Variants in RTTN observed in about 807,000 individuals in gnomAD.
RTTN encodes rotatin.
RTTN carries 182 observed loss-of-function variants against 269.2 expected under a neutral mutation model. The ratio of observed to expected loss-of-function variants is 0.68; its 90% CI spans 0.60 to 0.76. RTTN has a LOEUF of 0.76. RTTN is among the 30% of genes least tolerant of loss of function. RTTN has a pLI of 0.00. For missense variants in RTTN, 2,545 were observed against 2,608.6 expected, an observed-to-expected ratio of 0.98 and a Z score of 0.53; for synonymous variants, 1,006 against 963.5, an observed-to-expected ratio of 1.04 and a Z score of -0.82.
chr18:70,047,744 A>G (rs1409648591), intron 40 of RTTN, among the ~76,000 whole-genome samples: 1 of 152,224 alleles, frequency 6.6e-6, no homozygotes, highest in Non-Finnish European at 1.5e-5. Context: ...ATTTCACTTC[A>G]AATCTTTACA....
At chr18:70,059,000 G>C (rs2057900845) in intron 36 of RTTN, among the ~76,000 whole-genome samples, 1 of 152,178 alleles carries the variant, frequency 6.6e-6, no homozygotes, top group Non-Finnish European at 1.5e-5. Flanking sequence ...ATTTCAGATG[G>C]TGTATGTTCA....
chr18:70,163,670 A>G (rs191782179), intron 14 of RTTN, among the ~76,000 whole-genome samples: 6 of 152,316 alleles, frequency 3.9e-5, no homozygotes, highest in Admixed American at 2.0e-4. Context: ...GAAGTGTTTC[A>G]GATTTTGAAA....
chr18:70,050,044 C>T (rs2057612978), intron 39 of RTTN, among the ~76,000 whole-genome samples: 1 of 151,966 alleles, frequency 6.6e-6, no homozygotes. Flanking sequence ...TCATATGTAC[C>T]TTTATAAAAC....
intron 23 of RTTN, among the ~76,000 whole-genome samples, chr18:70,133,874 T>C (rs1185491318): frequency 2.6e-5 from 4 of 152,110 alleles, no homozygotes; most frequent in Non-Finnish European, 5.9e-5. Context: ...AACAATTTAC[T>C]TTTTACAAAA....
intron 18 of RTTN, among the ~76,000 whole-genome samples, chr18:70,143,663 G>A (rs2060317172): frequency 6.6e-6 from 1 of 151,978 alleles, no homozygotes; most frequent in African/African-American, 2.4e-5. Context: ...TAGTACCAGG[G>A]TGACGAAATA....
intron 18 of RTTN, 51 bp downstream of exon 18, chr18:70,145,561 T>C: frequency 7.4e-7 from 1 of 1,352,192 alleles, no homozygotes. Flanking sequence ...ATACATGATA[T>C]AAAAATGTAT....
chr18:70,009,757 A>G (rs2056312772), intron 46 of RTTN, among the ~76,000 whole-genome samples: 1 of 152,218 alleles, frequency 6.6e-6, no homozygotes, highest in Non-Finnish European at 1.5e-5. Context: ...AAACGGGCTA[A>G]ATGCCACAAT....
At chr18:70,012,886 T>C (rs533875985) in intron 46 of RTTN, among the ~76,000 whole-genome samples, 1 of 152,286 alleles carries the variant, frequency 6.6e-6, no homozygotes, top group South Asian at 2.1e-4. Flanking sequence ...GATTCCAGAA[T>C]AGAATAAACA....
At chr18:70,036,651 G>C (rs993444865) in intron 40 of RTTN, among the ~76,000 whole-genome samples, 2 of 152,128 alleles carry the variant, frequency 1.3e-5, no homozygotes, top group African/African-American at 4.8e-5. Context: ...CATGATACAA[G>C]TTTACCTATA....
At chr18:70,059,762 TCACAA>T (rs1278804596) in intron 36 of RTTN, 83 bp downstream of exon 36, 77 of 862,602 alleles carry the variant, frequency 8.9e-5, no homozygotes, top group Non-Finnish European at 1.3e-4. Flanking sequence ...TATTTCCAGG[TCACAA>T]GAAATCTTGT....
intron 25 of RTTN, among the ~76,000 whole-genome samples, chr18:70,124,974 C>T (rs2059827904): frequency 1.3e-5 from 2 of 152,066 alleles, no homozygotes; most frequent in South Asian, 4.1e-4. Context: ...CCTCTGACAA[C>T]TTGTAATCCT....
At chr18:70,193,109 G>T in intron 8 of RTTN, 179 bp downstream of exon 8, 1 of 556,616 alleles carries the variant, frequency 1.8e-6, no homozygotes, top group Non-Finnish European at 3.1e-6. Flanking sequence ...TGTCCTTACC[G>T]TGGATCATGG....
At chr18:70,143,212 T>G (rs1277707653) in intron 18 of RTTN, among the ~76,000 whole-genome samples, 3 of 151,334 alleles carry the variant, frequency 2.0e-5, no homozygotes, top group Admixed American at 6.6e-5. Flanking sequence ...AGCTGTTTGG[T>G]TTTTTTTTGT....
Position 70,011,905 on chromosome 18 carries a change from G to C in RTTN, c.6422-5421C>G, listed in dbSNP as rs184896375. Among the ~76,000 whole-genome samples, 4 of 150,994 alleles carry C rather than the reference G, an allele frequency of 2.6e-5. No individual in the cohort carries two copies. In the East Asian group the frequency reaches 7.8e-4, roughly 30 times the overall value. On this transcript the variant is annotated intron_variant, in intron 46 of 48. Coordinates refer to ENST00000640769, the MANE Select transcript of RTTN (RefSeq NM_173630.4). ...TCACTGGTGTTAGATAGAGGGTAGC[G>C]TCTGCTCCTGGTATTGGTTAGAAGG...
chr18:70,072,394 G>A (rs1343649402), intron 34 of RTTN, among the ~76,000 whole-genome samples: 7 of 152,054 alleles, frequency 4.6e-5, no homozygotes, highest in Admixed American at 4.6e-4. Flanking sequence ...ACACAAACAA[G>A]TTAAAGACCT....
chr18:70,099,555 C>A (rs1284361094), intron 28 of RTTN, among the ~76,000 whole-genome samples: 1 of 152,118 alleles, frequency 6.6e-6, no homozygotes, highest in Non-Finnish European at 1.5e-5. Context: ...ATGGTAGTTT[C>A]TTTTGCTATG....
chr18:70,189,558 C>A (rs923997840), intron 9 of RTTN, among the ~76,000 whole-genome samples: 7 of 152,150 alleles, frequency 4.6e-5, no homozygotes, highest in Non-Finnish European at 1.0e-4. Flanking sequence ...TTTCTTTACA[C>A]CTTGCAAAAT....
chr18:70,154,203 T>G (rs1196496525), intron 14 of RTTN, among the ~76,000 whole-genome samples: 2 of 152,066 alleles, frequency 1.3e-5, no homozygotes, highest in African/African-American at 2.4e-5. Flanking sequence ...ACATACATAT[T>G]TATTTCTGAC....
chr18:70,068,541 C>T (rs1429572762), intron 34 of RTTN, among the ~76,000 whole-genome samples: 1 of 152,168 alleles, frequency 6.6e-6, no homozygotes, highest in African/African-American at 2.4e-5. Context: ...CCTGTGTCCC[C>T]GCGGAACTTC....
Sources: allele counts gnomAD v4.1 joint callset (sites outside exome capture counted in the v4.1 genomes callset), GRCh38; gene constraint gnomAD v4.1.1; transcripts MANE v1.5; gene names NCBI Gene and HGNC (gene_info 2026-07-23, HGNC 2026-07-21).